DENND4C: variants seen among roughly 807,000 people sequenced by gnomAD.
DENND4C encodes DENN domain-containing protein 4C.
A neutral mutation model predicts 203.0 loss-of-function variants in DENND4C; 108 were observed. The ratio of observed to expected loss-of-function variants is 0.53; its 90% CI spans 0.46 to 0.62. The LOEUF (loss-of-function observed/expected upper bound fraction) is 0.62. DENND4C is among the 20% of genes least tolerant of loss of function. The pLI is 0.00. For missense variants in DENND4C, 2,481 were observed against 2,301.2 expected, an observed-to-expected ratio of 1.08 and a Z score of -1.60; for synonymous variants, 871 against 792.4, an observed-to-expected ratio of 1.10 and a Z score of -1.67.
chr9:19,351,214 T>C (rs1824044412), intron 24 of DENND4C, among the ~76,000 whole-genome samples: 1 of 152,206 alleles, frequency 6.6e-6, no homozygotes, highest in Admixed American at 6.5e-5. Context: ...ACTGCCTTTG[T>C]TTTTAGTTGT....
intron 2 of DENND4C, among the ~76,000 whole-genome samples, chr9:19,285,156 T>C (rs1445510773): frequency 2.0e-5 from 3 of 152,154 alleles, no homozygotes; most frequent in Non-Finnish European, 4.4e-5. Flanking sequence ...CTTCCCTTAG[T>C]ATATTGAGAA....
At chr9:19,265,787 C>T (rs1380406481) in intron 1 of DENND4C, among the ~76,000 whole-genome samples, 1 of 152,216 alleles carries the variant, frequency 6.6e-6, no homozygotes, top group Non-Finnish European at 1.5e-5. Context: ...AAGAACTCAA[C>T]CTTTTTTATG....
In DENND4C at chr9:19,248,768, T is replaced by G. The variant is rs551606065; in HGVS notation, c.-18+17935T>G. Among the ~76,000 whole-genome samples the G allele has an allele frequency of 1.3e-3, 196 of 151,160 alleles. 3 individuals are homozygous for G. Among genetic ancestry groups the G allele is most frequent in the Middle Eastern group, 3.4e-3 (1 of 290 alleles). On this transcript the variant is annotated intron_variant, in intron 1 of 32. Coordinates refer to ENST00000434457, the MANE Select transcript of DENND4C (RefSeq NM_001330640.2). ...ATAGGCCCCTCCCTTCCACTTTCTCTCTGTTTTGATTTACTTTTCTTCATA... is the reference window on the plus strand; with the variant it reads ...ATAGGCCCCTCCCTTCCACTTTCTCGCTGTTTTGATTTACTTTTCTTCATA...
chr9:19,288,385 T>A (rs950171279), intron 3 of DENND4C, among the ~76,000 whole-genome samples: 7 of 152,242 alleles, frequency 4.6e-5, no homozygotes, highest in Non-Finnish European at 1.0e-4. Context: ...GGCCTTCATA[T>A]CAGTTTGATT....
chr9:19,255,394 G>C (rs1827694158), intron 1 of DENND4C, among the ~76,000 whole-genome samples: 1 of 136,504 alleles, frequency 7.3e-6, no homozygotes, highest in Non-Finnish European at 1.6e-5. Context: ...AACAGAGTGA[G>C]ATCCTGCCTC....
At chr9:19,307,269 C>T (rs1839870593) in intron 10 of DENND4C, among the ~76,000 whole-genome samples, 1 of 151,428 alleles carries the variant, frequency 6.6e-6, no homozygotes. Flanking sequence ...GTGGTGCGTG[C>T]CTGTAGTCCC....
Position 19,373,998 on chromosome 9 carries a change from C to G in DENND4C, c.*1825C>G, listed in dbSNP as rs1829262357. ...TTACCTTCAAAATGGATCTTTTGCA[C>G]TGTCTGAGAGTATATATTTTTGCAA... On this transcript the variant is annotated 3_prime_UTR_variant, in exon 33 of 33. Transcript: ENST00000434457. Among the ~76,000 whole-genome samples the G allele has an allele frequency of 6.6e-6, 1 of 152,068 alleles. No homozygotes were observed. Among genetic ancestry groups the G allele is most frequent in the South Asian group, 2.1e-4 (1 of 4,828 alleles).
At chr9:19,242,929 C>T (rs563938719) in intron 1 of DENND4C, among the ~76,000 whole-genome samples, 83 of 152,230 alleles carry the variant, frequency 5.5e-4, no homozygotes, top group African/African-American at 1.9e-3. Context: ...GCTGGGATTA[C>T]AGGTGTAAGC....
chr9:19,332,278 G>C (rs141043042), intron 17 of DENND4C, 94 bp downstream of exon 17: 1 of 976,560 alleles, frequency 1.0e-6, no homozygotes, highest in East Asian at 2.5e-5. Context: ...GTGTGCTCAA[G>C]CATTTTCATT....
intron 1 of DENND4C, among the ~76,000 whole-genome samples, chr9:19,237,578 C>T (rs957389036): frequency 2.0e-5 from 3 of 151,832 alleles, no homozygotes; most frequent in Non-Finnish European, 2.9e-5. Context: ...AGGATGGTTA[C>T]GATCTCCTCA....
intron 12 of DENND4C, 53 bp from the exon 13 acceptor site, chr9:19,324,306 TATA>T: frequency 1.5e-6 from 2 of 1,353,756 alleles, no homozygotes; most frequent in Non-Finnish European, 1.0e-6. Flanking sequence ...TAATGTTTCC[TATA>T]ATATCGAATT....
At chr9:19,289,690 G>T (rs1051773779) in intron 4 of DENND4C, among the ~76,000 whole-genome samples, 3 of 151,870 alleles carry the variant, frequency 2.0e-5, no homozygotes, top group African/African-American at 7.3e-5. Context: ...TTAGCCAGGC[G>T]TGGTGGCACG....
intron 26 of DENND4C, among the ~76,000 whole-genome samples, chr9:19,355,112 A>G (rs894233314): frequency 1.3e-5 from 2 of 151,036 alleles, no homozygotes; most frequent in Non-Finnish European, 2.9e-5. Context: ...GGGTTTCACC[A>G]TGTTAGCCAG....
At position 19,346,879 on chromosome 9, in the gene DENND4C, A is replaced by G. The variant is rs370601401; in HGVS notation, c.4110A>G (p.Glu1370=). The part of the protein sequence containing the change: ...KQQTPSRTHK[E]RSTSLSALVR... ...AAACCCCCTCTCGAACTCATAAAGA[A>G]CGTTCAACTTCTTTGTCAGCACTGG... The change falls in exon 23 of 33, where the codon GAA becomes GAG. Residue 1370 remains glutamate (E), a synonymous_variant. Transcript: ENST00000434457. 5.3e-5 allele frequency: 85 copies of G among 1,614,220 alleles called. No homozygotes were observed. The highest frequency in any genetic ancestry group is 3.7e-5 in the Non-Finnish European group (44 of 1,180,034).
At chr9:19,258,319 A>C (rs1564093418) in intron 1 of DENND4C, among the ~76,000 whole-genome samples, 1 of 152,196 alleles carries the variant, frequency 6.6e-6, no homozygotes, top group African/African-American at 2.4e-5. Context: ...TTTTCCAGAA[A>C]ATTGAAGAGG....
At chr9:19,314,672 A>G (rs541565372) in intron 10 of DENND4C, among the ~76,000 whole-genome samples, 1 of 152,234 alleles carries the variant, frequency 6.6e-6, no homozygotes, top group Non-Finnish European at 1.5e-5. Context: ...TGTGAACTGC[A>G]CTGAGTGCTA....
At position 19,360,341 on chromosome 9, in the gene DENND4C, A is replaced by G. The variant is rs1259151958; in HGVS notation, c.5258A>G (p.Glu1753Gly). Residue 1753 changes from glutamate to glycine, a missense_variant, in exon 29 of 33, where the codon GAA becomes GGA. Transcript: ENST00000434457. ...GAACTTGAATCTTTGCTAGAAAATG[A>G]AGGTGATCAGGTGATTCATACATCT... is the stretch of plus-strand genomic sequence containing the variant. ...RKELESLLEN[E>G]GDQVIHTSSF... 3 of 1,614,132 alleles carry G rather than the reference A, an allele frequency of 1.9e-6. No individual in the cohort carries two copies. The highest frequency in any genetic ancestry group is 2.5e-6 in the Non-Finnish European group (3 of 1,180,000).
intron 10 of DENND4C, among the ~76,000 whole-genome samples, chr9:19,315,420 A>T (rs993276686): frequency 1.3e-5 from 2 of 151,512 alleles, no homozygotes; most frequent in African/African-American, 2.4e-5. Flanking sequence ...TGTTATATTT[A>T]TGCTAACTTT....
intron 26 of DENND4C, among the ~76,000 whole-genome samples, 179 bp downstream of exon 26, chr9:19,352,844 A>G (rs970810450): frequency 1.5e-4 from 23 of 152,220 alleles, no homozygotes; most frequent in African/African-American, 5.5e-4. Flanking sequence ...TATTTAAAGT[A>G]AGATTATCAG....
Sources: allele counts gnomAD v4.1 joint callset (sites outside exome capture counted in the v4.1 genomes callset), GRCh38; gene constraint gnomAD v4.1.1; transcripts MANE v1.5; gene names NCBI Gene and HGNC (gene_info 2026-07-23, HGNC 2026-07-21).